The following CAPN6 variants were observed in gnomAD, a reference collection of about 807,000 sequenced individuals.
CAPN6 encodes calpain-6.
Under a neutral mutation model 46.0 loss-of-function variants are expected in CAPN6, and 16 were observed. The ratio of observed to expected loss-of-function variants is 0.35; its 90% CI spans 0.24 to 0.53. CAPN6 has a LOEUF of 0.53. Among genes scored for constraint, CAPN6 ranks in the 20% least tolerant of loss-of-function variants. CAPN6 has a pLI of 0.94. For missense variants in CAPN6, 461 were observed against 498.0 expected (o/e 0.93, Z 0.71); for synonymous variants, 206 against 172.8 (o/e 1.19, Z -1.51).
intron 2 of CAPN6, among the ~76,000 whole-genome samples, chrX:111,258,802 A>G (rs1230109361): frequency 8.9e-6 from 1 of 112,165 alleles, no homozygotes; most frequent in African/African-American, 3.2e-5. Context: ...CTCAAGGCAC[A>G]GATCCCGAAC....
At chrX:111,270,336 T>C (rs1322735687) in intron 1 of CAPN6, 35 bp downstream of exon 1, 1 of 308,615 alleles carries the variant, frequency 3.2e-6, no homozygotes, top group East Asian at 1.0e-4. Flanking sequence ...GAAATAAAAC[T>C]CCAGGGTAAG....
At chrX:111,268,704 C>T (rs182612602) in intron 1 of CAPN6, among the ~76,000 whole-genome samples, 288 of 112,780 alleles carry the variant, frequency 2.6e-3, no homozygotes, top group African/African-American at 8.9e-3. Context: ...GCCGAATAAG[C>T]CCATCCTATA....
chrX:111,250,757 G>A (rs979800480), intron 8 of CAPN6, among the ~76,000 whole-genome samples, 160 bp downstream of exon 8: 4 of 111,878 alleles, frequency 3.6e-5, no homozygotes, highest in African/African-American at 1.3e-4. Context: ...TGTTTTACAA[G>A]CACCTGAGAC....
intron 2 of CAPN6, among the ~76,000 whole-genome samples, chrX:111,257,963 C>T (rs1300979710): frequency 2.7e-5 from 3 of 111,639 alleles, no homozygotes; most frequent in Non-Finnish European, 5.6e-5. Flanking sequence ...AAATGGTCCC[C>T]GCATGACCCC....
At chrX:111,246,892 G>A in intron 12 of CAPN6, 133 bp from the exon 13 acceptor site, 1 of 506,731 alleles carries the variant, frequency 2.0e-6, no homozygotes, top group Non-Finnish European at 3.1e-6. Flanking sequence ...GTCCTTTCCT[G>A]ATAGCCCATC....
intron 8 of CAPN6, among the ~76,000 whole-genome samples, chrX:111,250,082 T>C (rs2094977863): frequency 9.0e-6 from 1 of 111,040 alleles, no homozygotes. Context: ...AGGATATTTC[T>C]TTAGGAACAA....
At chrX:111,253,976 A>G (rs2094981749) in intron 3 of CAPN6, among the ~76,000 whole-genome samples, 1 of 112,176 alleles carries the variant, frequency 8.9e-6, no homozygotes, top group South Asian at 3.7e-4. Flanking sequence ...AGAGATACTG[A>G]GTCAATGCAC....
At chrX:111,248,478 G>C (rs2094976394) in intron 10 of CAPN6, 91 bp downstream of exon 10, 2 of 628,764 alleles carry the variant, frequency 3.2e-6, no homozygotes, top group Admixed American at 2.5e-5. Flanking sequence ...TTGTCCCATT[G>C]AATGTCTGAA....
chrX:111,260,627 G>A (rs1211234513), intron 2 of CAPN6, among the ~76,000 whole-genome samples: 1 of 111,829 alleles, frequency 8.9e-6, no homozygotes, highest in African/African-American at 3.3e-5. Context: ...CTGATGGGAG[G>A]CCAGAGAACT....
At position 111,251,467 on chromosome X, in the gene CAPN6, G is replaced by A. The variant is rs2094979420; in HGVS notation, c.893+82C>T. 3 of 929,031 alleles carry A rather than the reference G, an allele frequency of 3.2e-6. No individual in the cohort carries two copies. In the East Asian group the frequency reaches 9.3e-5, roughly 29 times the overall value. 76.6% of individuals were successfully genotyped at this position (929,031 alleles called of 1,213,427 possible). ...CCACAGATGTCACTGAGCATTGACAGCACACTAGCAGTCTGGAGGGATGGG... is the reference window on the plus strand; with the variant it reads ...CCACAGATGTCACTGAGCATTGACAACACACTAGCAGTCTGGAGGGATGGG... On this transcript the variant is annotated intron_variant, in intron 6 of 12. Coordinates refer to ENST00000324068, the MANE Select transcript of CAPN6 (RefSeq NM_014289.4).
chrX:111,266,233 CAAAAAA>C (rs36058551), intron 1 of CAPN6, among the ~76,000 whole-genome samples: 2 of 34,324 alleles, frequency 5.8e-5, no homozygotes, highest in African/African-American at 2.3e-4. Flanking sequence ...GACTCCGTCT[CAAAAAA>C]AAAAAAAAAA....
Position 111,248,713 on chromosome X carries a change from G to T in CAPN6, c.1340C>A (p.Thr447Asn), listed in dbSNP as rs761158567. 15 of 1,209,428 alleles carry T rather than the reference G, an allele frequency of 1.2e-5. No individual in the cohort carries two copies. In the East Asian group the frequency reaches 4.4e-4, roughly 36 times the overall value. Residue 447 changes from threonine to asparagine, a missense_variant, in exon 10 of 13, where the codon ACT (threonine) becomes AAT (asparagine). Coordinates refer to ENST00000324068, the MANE Select transcript of CAPN6 (RefSeq NM_014289.4). ...HHLYIQERAG[T>N]STYIDTRTVF... ...TGTGCGGGTGTCAATATAGGTGGAA[G>T]TCCCAGCACGCTCCTGGATGTAGAG... is the stretch of plus-strand genomic sequence containing the variant.
chrX:111,260,854 C>T (rs1398068993), intron 2 of CAPN6, among the ~76,000 whole-genome samples: 1 of 112,811 alleles, frequency 8.9e-6, no homozygotes, highest in African/African-American at 3.2e-5. Context: ...GCATTTCATA[C>T]ATCCAACATT....
At chrX:111,255,613 C>G (rs1460029537) in intron 2 of CAPN6, among the ~76,000 whole-genome samples, 1 of 112,510 alleles carries the variant, frequency 8.9e-6, no homozygotes, top group Non-Finnish European at 1.9e-5. Flanking sequence ...GTATTAGAGA[C>G]AGCTATATTT....
intron 8 of CAPN6, 137 bp downstream of exon 8, chrX:111,250,780 T>A (rs1006184621): frequency 6.8e-6 from 4 of 585,945 alleles, no homozygotes; most frequent in South Asian, 3.2e-5. Context: ...TCCGTAGGGA[T>A]CCTGGTTGTT....
chrX:111,251,663 C>G lies in CAPN6; in HGVS notation c.779G>C (p.Arg260Pro), dbSNP rs754214263. ...KGHTYTMTDI[R>P]KIRLGERLVE... Reference sequence around the variant, plus strand: ...AAGTCTCTCTCCAAGACGAATTTTGCGAATATCAGTCATGGTATAGGTATG... The same window carrying G: ...AAGTCTCTCTCCAAGACGAATTTTGGGAATATCAGTCATGGTATAGGTATG... Residue 260 changes from arginine to proline, a missense_variant, in exon 6 of 13, where the codon CGC (arginine) becomes CCC (proline). Transcript: ENST00000324068. The G allele has an allele frequency of 1.2e-5, 15 of 1,207,666 alleles. No individual in the cohort carries two copies. Among genetic ancestry groups the G allele is most frequent in the Non-Finnish European group, 1.1e-6 (1 of 893,301 alleles).
chrX:111,250,893 G>A, intron 8 of CAPN6, 24 bp downstream of exon 8: 1 of 1,188,763 alleles, frequency 8.4e-7, no homozygotes, highest in Non-Finnish European at 1.1e-6. Flanking sequence ...TAACTTTGAG[G>A]CAAATAAAGT....
intron 8 of CAPN6, 120 bp downstream of exon 8, chrX:111,250,797 T>G: frequency 1.5e-6 from 1 of 684,578 alleles, no homozygotes; most frequent in Non-Finnish European, 2.2e-6. Flanking sequence ...TGTTGAATAT[T>G]ACACAATAGC....
intron 1 of CAPN6, among the ~76,000 whole-genome samples, chrX:111,265,782 G>A (rs1186882735): frequency 9.0e-6 from 1 of 111,643 alleles, no homozygotes; most frequent in East Asian, 2.8e-4. Flanking sequence ...CTAGTCCCTG[G>A]ACATTCTGGA....
Sources: gnomAD v4.1 joint callset for allele counts (sites outside exome capture counted in the v4.1 genomes callset) on GRCh38, gnomAD v4.1.1 for gene constraint, MANE v1.5 for transcripts, NCBI Gene and HGNC (gene_info 2026-07-23, HGNC 2026-07-21) for gene names.